Variants in SCHIP1 observed in about 807,000 individuals in gnomAD.
SCHIP1 encodes schwannomin interacting protein 1.
Under a neutral mutation model 29.7 loss-of-function variants are expected in SCHIP1, and 8 were observed. The ratio of observed to expected loss-of-function variants is 0.27; its 90% CI spans 0.16 to 0.49. SCHIP1 has a LOEUF of 0.49. Among genes scored for constraint, SCHIP1 ranks in the 20% least tolerant of loss-of-function variants. The pLI is 0.99. For missense variants in SCHIP1, 193 were observed against 294.6 expected (o/e 0.66, Z 2.52); for synonymous variants, 76 against 94.9 (o/e 0.80, Z 1.16).
chr3:159,313,202 C>T, the SCHIP1 span, among the ~76,000 whole-genome samples: 18 of 152,252 alleles, frequency 1.2e-4, no homozygotes, highest in East Asian at 9.7e-4. Context: ...AGAAGATTTA[C>T]GAGCTCTAGA....
At chr3:159,626,101 G>GATAT in the SCHIP1 span, among the ~76,000 whole-genome samples, 1 of 108,338 alleles carries the variant, frequency 9.2e-6, no homozygotes, top group Admixed American at 8.2e-5. Flanking sequence ...TAGATAGATA[G>GATAT]ATAGATAGAT....
At chr3:159,399,977 A>G in the SCHIP1 span, among the ~76,000 whole-genome samples, 2 of 152,266 alleles carry the variant, frequency 1.3e-5, no homozygotes, top group East Asian at 3.9e-4. Context: ...GCATATTTTA[A>G]AAATGCAGGT....
chr3:159,502,653 C>G, the SCHIP1 span, among the ~76,000 whole-genome samples: 1 of 151,940 alleles, frequency 6.6e-6, no homozygotes, highest in Non-Finnish European at 1.5e-5. Flanking sequence ...CTCCCCCCAC[C>G]CCACAACAGT....
the SCHIP1 span, among the ~76,000 whole-genome samples, chr3:159,515,093 T>C: frequency 6.6e-6 from 1 of 152,172 alleles, no homozygotes; most frequent in East Asian, 1.9e-4. Flanking sequence ...GACCCTGTTT[T>C]AATCCACCAT....
the SCHIP1 span, among the ~76,000 whole-genome samples, chr3:159,410,869 G>A: frequency 4.1e-3 from 615 of 149,990 alleles, 9 homozygotes; most frequent in African/African-American, 0.013. Context: ...ATTTGAAAGC[G>A]ACATAAATGT....
the SCHIP1 span, among the ~76,000 whole-genome samples, chr3:159,626,297 TAGA>T: frequency 0.014 from 1,985 of 141,040 alleles, 48 homozygotes; most frequent in East Asian, 0.043. Context: ...GATAGATAGA[TAGA>T]TTTTTTTTTA....
the SCHIP1 span, among the ~76,000 whole-genome samples, chr3:159,503,008 A>G: frequency 6.6e-6 from 1 of 152,188 alleles, no homozygotes; most frequent in Admixed American, 6.5e-5. Context: ...CAGATAAGTG[A>G]TGCCTTCTCT....
At chr3:159,292,082 AT>A in the SCHIP1 span, among the ~76,000 whole-genome samples, 2 of 152,138 alleles carry the variant, frequency 1.3e-5, no homozygotes, top group South Asian at 2.1e-4. Flanking sequence ...AACATAGGCC[AT>A]AATTATTGAA....
At chr3:159,596,587 G>A in the SCHIP1 span, among the ~76,000 whole-genome samples, 1 of 152,016 alleles carries the variant, frequency 6.6e-6, no homozygotes, top group Admixed American at 6.6e-5. Context: ...AAGAAAATGT[G>A]GCAAATATGC....
At chr3:159,662,295 G>A in the SCHIP1 span, among the ~76,000 whole-genome samples, 1 of 152,200 alleles carries the variant, frequency 6.6e-6, no homozygotes, top group East Asian at 1.9e-4. Context: ...TGTTCAGGTG[G>A]GCTCTTGCTA....
chr3:159,897,320 A>C (rs1411378778), exon 7 of SCHIP1: 1 of 152,608 alleles, frequency 6.6e-6, no homozygotes, highest in East Asian at 1.9e-4. Context: ...TGAAAGTTTT[A>C]TGTATAAATA....
At chr3:159,854,766 T>G (rs1474676161) in intron 1 of SCHIP1, among the ~76,000 whole-genome samples, 4 of 152,248 alleles carry the variant, frequency 2.6e-5, no homozygotes, top group Non-Finnish European at 5.9e-5. Context: ...TCAGACCATT[T>G]CTCAGATAGA....
At chr3:159,717,151 A>T in the SCHIP1 span, among the ~76,000 whole-genome samples, 1 of 152,226 alleles carries the variant, frequency 6.6e-6, no homozygotes, top group African/African-American at 2.4e-5. Flanking sequence ...TAACAAAATG[A>T]AGGCAGAAAT....
At chr3:159,486,316 A>T in the SCHIP1 span, among the ~76,000 whole-genome samples, 1 of 152,162 alleles carries the variant, frequency 6.6e-6, no homozygotes, top group East Asian at 1.9e-4. Context: ...CCTCTTCCCC[A>T]TGTCCCAGTA....
the SCHIP1 span, among the ~76,000 whole-genome samples, chr3:159,388,730 A>G: frequency 6.6e-6 from 1 of 152,162 alleles, no homozygotes; most frequent in Non-Finnish European, 1.5e-5. Context: ...TAGATCAATG[A>G]TACAGAATAT....
At chr3:159,734,915 T>C in the SCHIP1 span, among the ~76,000 whole-genome samples, 65,432 of 151,528 alleles carry the variant, frequency 0.43, 15,133 homozygotes, top group African/African-American at 0.61. Context: ...TCATCCCCTG[T>C]GCCCATTCCC....
chr3:159,878,873 C>T (rs1716155881), intron 2 of SCHIP1, among the ~76,000 whole-genome samples: 1 of 149,964 alleles, frequency 6.7e-6, no homozygotes, highest in Non-Finnish European at 1.5e-5. Context: ...TATGTAGCAC[C>T]TCAGAGGTGC....
At chr3:159,515,385 C>G in the SCHIP1 span, among the ~76,000 whole-genome samples, 1 of 152,188 alleles carries the variant, frequency 6.6e-6, no homozygotes, top group Non-Finnish European at 1.5e-5. Flanking sequence ...GAGTCATGTG[C>G]TGTATTTTTG....
At chr3:159,772,992 C>T in the SCHIP1 span, among the ~76,000 whole-genome samples, 1 of 152,136 alleles carries the variant, frequency 6.6e-6, no homozygotes, top group Non-Finnish European at 1.5e-5. Flanking sequence ...CCGCCTGCCT[C>T]AGCCTCCCAA....
Sources: gnomAD v4.1 joint callset for allele counts (sites outside exome capture counted in the v4.1 genomes callset) on GRCh38, gnomAD v4.1.1 for gene constraint, MANE v1.5 for transcripts, NCBI Gene and HGNC (gene_info 2026-07-23, HGNC 2026-07-21) for gene names.